Variants in GAREM2 observed in about 807,000 individuals in gnomAD.
The protein encoded by GAREM2 is GRB2 associated regulator of MAPK1 subtype 2.
A neutral mutation model predicts 55.6 loss-of-function variants in GAREM2; 30 were observed. The ratio of observed to expected loss-of-function variants is 0.54; its 90% CI spans 0.40 to 0.73. GAREM2 has a LOEUF of 0.73. GAREM2 is among the 30% of genes least tolerant of loss of function. GAREM2 has a pLI of 0.00. For synonymous variants in GAREM2, 550 were observed against 569.1 expected (o/e 0.97, Z 0.48); for missense variants, 1,075 against 1,257.7 (o/e 0.85, Z 2.20).
downstream of GAREM2, chr2:26,191,030 G>T (rs15216): frequency 1.6e-6 from 1 of 624,026 alleles, no homozygotes; most frequent in Non-Finnish European, 2.9e-6. Flanking sequence ...ACAATGAGCA[G>T]TGGGCTCTAC....
chr2:26,177,829 G>A (rs1668912990), intron 2 of GAREM2, among the ~76,000 whole-genome samples: 1 of 152,198 alleles, frequency 6.6e-6, no homozygotes, highest in South Asian at 2.1e-4. Flanking sequence ...GTTTCACCAT[G>A]TTGGCCAGGC....
chr2:26,188,395 G>A lies in GAREM2; in HGVS notation c.*138G>A. The A allele has an allele frequency of 1.6e-6, 1 of 609,202 alleles. No homozygotes were observed. 37.7% of individuals were successfully genotyped at this position (609,202 alleles called of 1,614,324 possible). Reference sequence around the variant, plus strand: ...TCAGCAGCCACTGGGTGGATCCAGGGGAGATGCATGTGGAAATGTGGTCCT... The same window carrying A: ...TCAGCAGCCACTGGGTGGATCCAGGAGAGATGCATGTGGAAATGTGGTCCT... On this transcript the variant is annotated 3_prime_UTR_variant, in exon 6 of 6. Coordinates refer to ENST00000401533, the MANE Select transcript of GAREM2 (RefSeq NM_001168241.2).
At chr2:26,195,454 T>C in the GAREM2 span, among the ~76,000 whole-genome samples, 8 of 152,210 alleles carry the variant, frequency 5.3e-5, no homozygotes, top group African/African-American at 1.9e-4. Flanking sequence ...CTAAGGTTTT[T>C]CACTACAGAC....
downstream of GAREM2, chr2:26,193,899 A>G (rs1040477289): frequency 2.8e-6 from 2 of 726,636 alleles, no homozygotes; most frequent in Admixed American, 2.2e-5. Flanking sequence ...GACCAGGCCC[A>G]GGACTGGTGC....
In GAREM2 at chr2:26,185,269, C is replaced by T. The variant is rs1175679674; in HGVS notation, c.1421C>T (p.Ser474Phe). 5.3e-6 allele frequency: 8 copies of T among 1,518,518 alleles called. No homozygotes were observed. The highest frequency in any genetic ancestry group is 7.0e-6 in the Non-Finnish European group (8 of 1,140,114). 94.1% of individuals were successfully genotyped at this position (1,518,518 alleles called of 1,614,324 possible). ...EAPPPPVPPK[S>F]EAVKEECRLL... Reference sequence around the variant, plus strand: ...CCGCCGCCTCCAGTCCCTCCCAAATCCGAGGCGGTGAGTGAGCGCGCTGGG... The same window carrying T: ...CCGCCGCCTCCAGTCCCTCCCAAATTCGAGGCGGTGAGTGAGCGCGCTGGG... Residue 474 changes from serine (S) to phenylalanine (F), a missense_variant, in exon 4 of 6, where the codon TCC (serine) becomes TTC (phenylalanine). Physicochemically the swap from Ser to Phe is radical, Grantham distance 155. Transcript: ENST00000401533.
chr2:26,182,913 C>T (rs1669099460), intron 2 of GAREM2, 54 bp from the exon 3 acceptor site: 1 of 1,544,052 alleles, frequency 6.5e-7, no homozygotes, highest in Admixed American at 2.0e-5. Context: ...GGGACGCAGG[C>T]TAGACTCCCA....
At position 26,188,267 on chromosome 2, in the gene GAREM2, C is replaced by G; in HGVS notation, c.*10C>G. On this transcript the variant is annotated 3_prime_UTR_variant, in exon 6 of 6. Coordinates refer to ENST00000401533, the MANE Select transcript of GAREM2 (RefSeq NM_001168241.2). Reference sequence around the variant, plus strand: ...GAGGCCCAAGATCTGAACTGCCCAGCTGGAGCTGCACAGCTGGAATGCTGG... The same window carrying G: ...GAGGCCCAAGATCTGAACTGCCCAGGTGGAGCTGCACAGCTGGAATGCTGG... 6.9e-7 allele frequency: 1 copy of G among 1,447,808 alleles called. No homozygotes were observed. The highest frequency in any genetic ancestry group is 9.2e-7 in the Non-Finnish European group (1 of 1,089,144). The allele number at this position is 1,447,808 out of a possible 1,614,324, so 89.7% of individuals were successfully genotyped here. A position where few individuals can be genotyped will look rare whatever the true frequency, so the allele number is the denominator to read the frequency against.
downstream of GAREM2, among the ~76,000 whole-genome samples, chr2:26,192,777 A>T (rs1301693360): frequency 6.6e-6 from 1 of 152,176 alleles, no homozygotes; most frequent in Non-Finnish European, 1.5e-5. Context: ...TGACCTGAGA[A>T]TTCTTGTCTC....
chr2:26,202,415 G>C, the GAREM2 span, among the ~76,000 whole-genome samples: 1 of 152,074 alleles, frequency 6.6e-6, no homozygotes, highest in Non-Finnish European at 1.5e-5. Context: ...GCAAAATTAA[G>C]GCCACAAGAT....
chr2:26,182,572 C>A, intron 2 of GAREM2: 1 of 1,378,194 alleles, frequency 7.3e-7, no homozygotes, highest in Non-Finnish European at 1.0e-6. Context: ...CTTGTCACGG[C>A]AAGTCAGAGG....
intron 2 of GAREM2, chr2:26,182,616 G>A (rs1189981505): frequency 2.2e-6 from 2 of 929,786 alleles, no homozygotes; most frequent in Non-Finnish European, 3.4e-6. Context: ...CCAGCATCCC[G>A]GTACCACACT....
In GAREM2 at chr2:26,179,380, C is replaced by T. The variant is rs1306269924; in HGVS notation, c.253+2896C>T. On this transcript the variant is annotated intron_variant, in intron 2 of 5. Transcript: ENST00000401533. This position sits in a 1 kb window ranked among gnomAD's most constrained non-coding sequence, Gnocchi z 4.7. The stretch of plus-strand genomic sequence containing the variant: ...AGATTAAATAATTTGCCCAAGGTCA[C>T]ACAGCTGGCTAGTGGCAGGGTGGGA... Among the ~76,000 whole-genome samples the T allele has an allele frequency of 6.6e-6, 1 of 152,238 alleles. No homozygotes were observed. Among genetic ancestry groups the T allele is most frequent in the Non-Finnish European group, 1.5e-5 (1 of 68,046 alleles).
the GAREM2 span, among the ~76,000 whole-genome samples, chr2:26,202,172 C>T: frequency 6.6e-6 from 1 of 152,122 alleles, no homozygotes; most frequent in East Asian, 1.9e-4. Flanking sequence ...CCACTCATTA[C>T]CTAGTAGCAC....
chr2:26,184,753 G>GGCTGGC lies in GAREM2; in HGVS notation c.910_915dup (p.Ala304_Leu305dup). ...ATCATCTCCAAGACGGTGGTGCTGG[G>GGCTGGC]GCTGGCGCTGCGCCGCGAGGGCCCG... is the stretch of plus-strand genomic sequence containing the variant. On this transcript the variant is annotated inframe_insertion, in exon 4 of 6. Coordinates refer to ENST00000401533, the MANE Select transcript of GAREM2 (RefSeq NM_001168241.2). 1 of 1,501,816 alleles carries GGCTGGC rather than the reference G, an allele frequency of 6.7e-7. No individual in the cohort carries two copies. The highest frequency in any genetic ancestry group is 8.8e-7 in the Non-Finnish European group (1 of 1,130,748). The allele number at this position is 1,501,816 out of a possible 1,614,324, so 93.0% of individuals were successfully genotyped here.
intron 4 of GAREM2, among the ~76,000 whole-genome samples, 199 bp downstream of exon 4, chr2:26,185,475 T>C (rs957668513): frequency 2.0e-5 from 3 of 152,112 alleles, no homozygotes; most frequent in Admixed American, 2.0e-4. Context: ...GCGGGAGAGC[T>C]GTGGGACAGA....
chr2:26,185,001 C>CCGCGCGCCCCCGGGCTCG lies in GAREM2; in HGVS notation c.1155_1172dup (p.Leu390_Gly395dup), dbSNP rs1272567319. Reference sequence around the variant, plus strand: ...CCGCGCGCGCCTCTGCCTGCCCGCGCCGCGCGCCCCCGGGCTCGCCCGCGC... The same window carrying CCGCGCGCCCCCGGGCTCG: ...CCGCGCGCGCCTCTGCCTGCCCGCGCCGCGCGCCCCCGGGCTCGCGCGCGCCCCCGGGCTCGCCCGCGC... On this transcript the variant is annotated inframe_insertion, in exon 4 of 6. Transcript: ENST00000401533. The CCGCGCGCCCCCGGGCTCG allele has an allele frequency of 6.4e-6, 7 of 1,101,298 alleles. No homozygotes were observed. The highest frequency in any genetic ancestry group is 1.7e-5 in the African/African-American group (1 of 59,844). The allele number at this position is 1,101,298 out of a possible 1,614,324, so 68.2% of individuals were successfully genotyped here.
At chr2:26,190,999 A>C (rs1043528465), downstream of GAREM2, 5 of 573,016 alleles carry the variant, frequency 8.7e-6, no homozygotes, top group South Asian at 1.0e-4. Context: ...CTTGGCTGCC[A>C]CTCTAGGCCT....
chr2:26,201,345 G>C, the GAREM2 span: 1 of 1,535,924 alleles, frequency 6.5e-7, no homozygotes, highest in Non-Finnish European at 9.0e-7. Flanking sequence ...TTCCTAGTTA[G>C]ATGGGAAGAA....
chr2:26,185,773 C>G (rs1440693970), intron 4 of GAREM2, among the ~76,000 whole-genome samples: 2 of 152,290 alleles, frequency 1.3e-5, no homozygotes, highest in Middle Eastern at 6.8e-3. Context: ...CCATGGAGTC[C>G]TCTTTGGGGT....
Sources: gnomAD v4.1 joint callset for allele counts (sites outside exome capture counted in the v4.1 genomes callset) on GRCh38, gnomAD v4.1.1 for gene constraint, Gnocchi (gnomAD v3.1) non-coding constraint, MANE v1.5 for transcripts, NCBI Gene and HGNC (gene_info 2026-07-23, HGNC 2026-07-21) for gene names.